FHIT: variants seen among roughly 807,000 people sequenced by gnomAD.
The protein encoded by FHIT is fragile histidine triad diadenosine triphosphatase.
A neutral mutation model predicts 17.9 loss-of-function variants in FHIT; 19 were observed. The ratio of observed to expected loss-of-function variants is 1.06; its 90% CI spans 0.74 to 1.56. The LOEUF (loss-of-function observed/expected upper bound fraction) is 1.56, where lower values mean the gene tolerates loss of function less well. Among genes scored for constraint, FHIT ranks in the 40% most tolerant of loss-of-function variants. The pLI, the probability that FHIT is intolerant of heterozygous loss-of-function variation, is 0.00. For synonymous variants in FHIT, 81 were observed against 69.7 expected (o/e 1.16, Z -0.81); for missense variants, 248 against 189.2 (o/e 1.31, Z -1.82).
chr3:60,772,062 C>G (rs1400667180), intron 4 of FHIT, among the ~76,000 whole-genome samples: 1 of 151,892 alleles, frequency 6.6e-6, no homozygotes, highest in Non-Finnish European at 1.5e-5. Context: ...CAATGATTGA[C>G]AAAGATTTCT....
intron 1 of FHIT, among the ~76,000 whole-genome samples, chr3:61,201,980 A>G (rs1242922315): frequency 6.6e-6 from 1 of 152,150 alleles, no homozygotes; most frequent in Non-Finnish European, 1.5e-5. Flanking sequence ...GTATGTATAT[A>G]CATATGTGCA....
chr3:60,045,664 T>C (rs1234942453), intron 5 of FHIT, among the ~76,000 whole-genome samples: 2 of 152,196 alleles, frequency 1.3e-5, no homozygotes, highest in African/African-American at 2.4e-5. Context: ...CTACCTTGCT[T>C]TCTCCCCTCC....
intron 5 of FHIT, among the ~76,000 whole-genome samples, chr3:60,476,916 T>C (rs1481214123): frequency 6.6e-6 from 1 of 151,952 alleles, no homozygotes; most frequent in East Asian, 1.9e-4. Context: ...CTAGTGCTAT[T>C]TTCCAAAATA....
chr3:61,067,928 C>T (rs941872455), intron 2 of FHIT, among the ~76,000 whole-genome samples: 2 of 152,156 alleles, frequency 1.3e-5, no homozygotes, highest in African/African-American at 4.8e-5. Context: ...CAGCTATATT[C>T]CTACTCAATA....
At position 60,931,220 on chromosome 3, in the gene FHIT, G is replaced by T. The variant is rs967811645; in HGVS notation, c.-110-109209C>A. On this transcript the variant is annotated intron_variant, in intron 3 of 9. Transcript: ENST00000492590. Reference sequence around the variant, plus strand: ...CAAACACCGGGGCCTGTTGTGGGGTGGGGGGAGTGGGGAGGGATAGCGTTA... The same window carrying T: ...CAAACACCGGGGCCTGTTGTGGGGTTGGGGGAGTGGGGAGGGATAGCGTTA... Among the ~76,000 whole-genome samples, 14 of 152,038 alleles carry T rather than the reference G, an allele frequency of 9.2e-5. No individual in the cohort carries two copies. In the East Asian group the frequency reaches 1.2e-3, roughly 13 times the overall value.
At chr3:60,925,301 G>A (rs1553769558) in intron 3 of FHIT, among the ~76,000 whole-genome samples, 1 of 152,182 alleles carries the variant, frequency 6.6e-6, no homozygotes, top group South Asian at 2.1e-4. Flanking sequence ...GTTAATGGCA[G>A]CCAGAGAGAA....
chr3:60,871,236 T>C (rs947228654), intron 3 of FHIT, among the ~76,000 whole-genome samples: 1 of 152,182 alleles, frequency 6.6e-6, no homozygotes, highest in African/African-American at 2.4e-5. Context: ...GTTTTGCATA[T>C]TTTAACATTG....
At chr3:60,333,270 C>T (rs952072178) in intron 5 of FHIT, among the ~76,000 whole-genome samples, 5 of 152,164 alleles carry the variant, frequency 3.3e-5, no homozygotes, top group Admixed American at 1.3e-4. Context: ...TAATTGTGCT[C>T]TTGCTCTCCC....
chr3:59,970,574 C>T (rs1245222619), intron 7 of FHIT, among the ~76,000 whole-genome samples: 1 of 152,096 alleles, frequency 6.6e-6, no homozygotes, highest in Non-Finnish European at 1.5e-5. Flanking sequence ...GCGGAGGGAA[C>T]AGCCTTTTGG....
chr3:60,341,571 G>T (rs1189396561), intron 5 of FHIT, among the ~76,000 whole-genome samples: 1 of 151,918 alleles, frequency 6.6e-6, no homozygotes, highest in African/African-American at 2.4e-5. Context: ...CACACCATTG[G>T]TTGCTTTTTC....
rs1488677607 is a variant in FHIT, at chr3:60,732,575, G to A, written c.-18+89344C>T. 5 of 606,614 alleles carry A rather than the reference G, an allele frequency of 8.2e-6. No individual in the cohort carries two copies. In the African/African-American group the frequency reaches 9.1e-5, roughly 11 times the overall value. The allele number at this position is 606,614 out of a possible 1,614,324, so 37.6% of individuals were successfully genotyped here. A position where few individuals can be genotyped will look rare whatever the true frequency, so the allele number is the denominator to read the frequency against. Reference sequence around the variant, plus strand: ...AACCTCGTCTGCAAACAGCTCGAAGGAGACGCGGCCCAAGGGCTCCGTGTC... The same window carrying A: ...AACCTCGTCTGCAAACAGCTCGAAGAAGACGCGGCCCAAGGGCTCCGTGTC... On this transcript the variant is annotated intron_variant, in intron 4 of 9. Coordinates refer to ENST00000492590, the MANE Select transcript of FHIT (RefSeq NM_002012.4).
intron 5 of FHIT, among the ~76,000 whole-genome samples, chr3:60,158,045 A>T (rs1700779470): frequency 6.6e-6 from 1 of 152,180 alleles, no homozygotes; most frequent in African/African-American, 2.4e-5. Flanking sequence ...ATGTGGTCCA[A>T]ATTGGTTCCT....
chr3:59,981,948 C>A (rs976665259), intron 7 of FHIT, among the ~76,000 whole-genome samples: 7 of 136,188 alleles, frequency 5.1e-5, no homozygotes, highest in African/African-American at 1.9e-4. Context: ...CTTTTTGCTG[C>A]CAGGGTCAGC....
At chr3:60,400,485 T>C (rs1278527150) in intron 5 of FHIT, among the ~76,000 whole-genome samples, 2 of 152,132 alleles carry the variant, frequency 1.3e-5, no homozygotes, top group Non-Finnish European at 1.5e-5. Context: ...AAGAATGTTC[T>C]AACAATGTTG....
intron 5 of FHIT, among the ~76,000 whole-genome samples, chr3:60,505,210 C>T (rs1223205048): frequency 1.3e-5 from 2 of 152,152 alleles, no homozygotes; most frequent in African/African-American, 4.8e-5. Flanking sequence ...AGGTCATCTA[C>T]CTAAACAAGA....
chr3:60,539,800 G>A (rs1370619011), intron 4 of FHIT, among the ~76,000 whole-genome samples: 1 of 152,104 alleles, frequency 6.6e-6, no homozygotes, highest in African/African-American at 2.4e-5. Context: ...GTGGGGTGGG[G>A]CGAGGGTGGA....
chr3:60,838,328 C>G (rs1292210373), intron 3 of FHIT, among the ~76,000 whole-genome samples: 1 of 151,938 alleles, frequency 6.6e-6, no homozygotes, highest in Non-Finnish European at 1.5e-5. Flanking sequence ...AAAAATTAGC[C>G]GGGCGTGGTG....
chr3:59,900,261 G>A (rs976789557), intron 8 of FHIT, among the ~76,000 whole-genome samples: 1 of 152,210 alleles, frequency 6.6e-6, no homozygotes, highest in Non-Finnish European at 1.5e-5. Context: ...CATGAGGAGA[G>A]TGAGCCTCTC....
chr3:61,067,969 T>G (rs2034670468), intron 2 of FHIT, among the ~76,000 whole-genome samples: 1 of 152,166 alleles, frequency 6.6e-6, no homozygotes, highest in Admixed American at 6.6e-5. Context: ...ATAATGGTGG[T>G]TCTCAAACTT....
Sources: gnomAD v4.1 joint callset for allele counts (sites outside exome capture counted in the v4.1 genomes callset) on GRCh38, gnomAD v4.1.1 for gene constraint, MANE v1.5 for transcripts, NCBI Gene and HGNC (gene_info 2026-07-23, HGNC 2026-07-21) for gene names.